SLC35F4: variants seen among roughly 807,000 people sequenced by gnomAD.
The protein encoded by SLC35F4 is chromosome 14 open reading frame 36.
Under a neutral mutation model 44.2 loss-of-function variants are expected in SLC35F4, and 24 were observed. The observed-to-expected ratio is 0.54, with a 90% CI of 0.39 to 0.76. The LOEUF (loss-of-function observed/expected upper bound fraction) is 0.76. Among genes scored for constraint, SLC35F4 ranks in the 30% least tolerant of loss-of-function variants. The pLI is 0.00. For missense variants in SLC35F4, 562 were observed against 586.1 expected, an observed-to-expected ratio of 0.96 and a Z score of 0.42; for synonymous variants, 238 against 223.6, an observed-to-expected ratio of 1.06 and a Z score of -0.57.
chr14:57,919,031 C>G (rs1889387089), intron 1 of SLC35F4, among the ~76,000 whole-genome samples: 1 of 152,184 alleles, frequency 6.6e-6, no homozygotes, highest in Non-Finnish European at 1.5e-5. Context: ...GCAGGTGTGA[C>G]CACGTAACTG....
intron 1 of SLC35F4, among the ~76,000 whole-genome samples, chr14:57,891,283 C>T (rs928411384): frequency 3.3e-5 from 5 of 152,158 alleles, no homozygotes; most frequent in African/African-American, 4.8e-5. Flanking sequence ...AGCATCTACT[C>T]GGTGCCTGGC....
chr14:57,937,577 AAAAGAAAAG>A (rs1417907425), intron 1 of SLC35F4, among the ~76,000 whole-genome samples: 1 of 123,996 alleles, frequency 8.1e-6, no homozygotes, highest in Non-Finnish European at 1.7e-5. Flanking sequence ...AAGAAAAGAG[AAAAGAAAAG>A]AAAGAAAAGA....
chr14:57,700,836 G>A (rs7153789), intron 1 of SLC35F4, among the ~76,000 whole-genome samples: 154 of 152,224 alleles, frequency 1.0e-3, no homozygotes, highest in African/African-American at 3.6e-3. Flanking sequence ...GCCTAGGGAG[G>A]CAGGTGCTGC....
intron 1 of SLC35F4, among the ~76,000 whole-genome samples, chr14:57,835,194 C>G (rs1884794421): frequency 6.6e-6 from 1 of 152,212 alleles, no homozygotes; most frequent in Non-Finnish European, 1.5e-5. Context: ...CCTCCCATCT[C>G]CTTCAGATCC....
chr14:57,587,870 CAAAAAA>C (rs60521934), intron 3 of SLC35F4, among the ~76,000 whole-genome samples: 14 of 125,008 alleles, frequency 1.1e-4, no homozygotes, highest in Admixed American at 1.7e-4. Flanking sequence ...ATGCACCTTC[CAAAAAA>C]AAAAAAAAAA....
At chr14:57,779,925 A>C (rs1415270393) in intron 1 of SLC35F4, among the ~76,000 whole-genome samples, 2 of 152,140 alleles carry the variant, frequency 1.3e-5, no homozygotes, top group Non-Finnish European at 2.9e-5. Context: ...GTATTGATGG[A>C]ATATACCTCA....
intron 1 of SLC35F4, among the ~76,000 whole-genome samples, chr14:57,653,426 G>C (rs76889644): frequency 0.041 from 6,249 of 152,258 alleles, 213 homozygotes; most frequent in Non-Finnish European, 0.067. Flanking sequence ...AATGGAGTCT[G>C]TGTTATCACT....
At chr14:57,646,660 T>C (rs1202732359) in intron 1 of SLC35F4, among the ~76,000 whole-genome samples, 1 of 152,102 alleles carries the variant, frequency 6.6e-6, no homozygotes, top group Non-Finnish European at 1.5e-5. Context: ...TCACCTTCTG[T>C]TCGCTTTTGA....
intron 1 of SLC35F4, among the ~76,000 whole-genome samples, chr14:57,635,169 T>TC (rs1254205741): frequency 1.3e-5 from 2 of 150,636 alleles, no homozygotes; most frequent in Admixed American, 1.3e-4. Context: ...TTGCTTGAGC[T>TC]CAGAAGTTTG....
chr14:57,672,998 C>A (rs1332414469), intron 1 of SLC35F4, among the ~76,000 whole-genome samples: 1 of 151,772 alleles, frequency 6.6e-6, no homozygotes, highest in Non-Finnish European at 1.5e-5. Flanking sequence ...ATAAAATTTG[C>A]CATAATTAGT....
intron 1 of SLC35F4, among the ~76,000 whole-genome samples, chr14:57,944,171 C>T (rs555223492): frequency 2.0e-4 from 30 of 152,306 alleles, no homozygotes; most frequent in African/African-American, 6.5e-4. Context: ...ATTCCAGTAT[C>T]GTCAAGTACC....
At chr14:57,859,010 T>G (rs867073321) in intron 1 of SLC35F4, among the ~76,000 whole-genome samples, 13 of 148,394 alleles carry the variant, frequency 8.8e-5, no homozygotes, top group African/African-American at 3.2e-4. Context: ...GAGGCTGAGG[T>G]GGGAGGATGG....
chr14:57,572,625 C>T (rs2068573466), intron 4 of SLC35F4, among the ~76,000 whole-genome samples: 1 of 152,204 alleles, frequency 6.6e-6, no homozygotes, highest in Non-Finnish European at 1.5e-5. Context: ...GAAGCCAGTA[C>T]TTCCTTTTGT....
intron 1 of SLC35F4, among the ~76,000 whole-genome samples, chr14:57,949,643 A>G (rs1890099215): frequency 6.6e-6 from 1 of 152,134 alleles, no homozygotes; most frequent in Admixed American, 6.6e-5. Context: ...AGCTTTAAGA[A>G]GGTTCTATTT....
intron 1 of SLC35F4, among the ~76,000 whole-genome samples, chr14:57,767,161 C>T (rs958397548): frequency 1.3e-5 from 2 of 151,726 alleles, no homozygotes; most frequent in Non-Finnish European, 2.9e-5. Flanking sequence ...ACTCACCTCT[C>T]ACTAACTGAT....
intron 1 of SLC35F4, among the ~76,000 whole-genome samples, chr14:57,790,929 G>A (rs7144846): frequency 5.9e-5 from 9 of 152,088 alleles, no homozygotes; most frequent in African/African-American, 1.4e-4. Flanking sequence ...CTGGCTAGCC[G>A]TATGCGGAAA....
At chr14:57,581,743 G>A (rs1466966416) in intron 3 of SLC35F4, among the ~76,000 whole-genome samples, 1 of 152,200 alleles carries the variant, frequency 6.6e-6, no homozygotes, top group Non-Finnish European at 1.5e-5. Flanking sequence ...ACCGAAATTG[G>A]TAGTTGCTGA....
chr14:57,587,703 A>G (rs372592320), intron 3 of SLC35F4, among the ~76,000 whole-genome samples: 2 of 152,160 alleles, frequency 1.3e-5, no homozygotes, highest in Admixed American at 6.5e-5. Context: ...GCAAACCACC[A>G]TGGCACATGT....
chr14:57,583,920 C>G (rs1431178791), intron 3 of SLC35F4, among the ~76,000 whole-genome samples: 2 of 152,106 alleles, frequency 1.3e-5, no homozygotes, highest in Non-Finnish European at 2.9e-5. Flanking sequence ...GTGGCATTGA[C>G]AGGTGGTATA....
Sources: gnomAD v4.1 joint callset for allele counts (sites outside exome capture counted in the v4.1 genomes callset) on GRCh38, gnomAD v4.1.1 for gene constraint, MANE v1.5 for transcripts, NCBI Gene and HGNC (gene_info 2026-07-23, HGNC 2026-07-21) for gene names.